The following C3 variants were observed in gnomAD, a reference collection of about 807,000 sequenced individuals.
The protein encoded by C3 is complement C3.
A neutral mutation model predicts 207.9 loss-of-function variants in C3; 97 were observed. The ratio of observed to expected loss-of-function variants is 0.47; its 90% CI spans 0.40 to 0.55. C3 has a LOEUF of 0.55. Ranked by LOEUF, C3 falls within the 20% of genes least tolerant of loss-of-function variation. C3 has a pLI of 0.00. For synonymous variants in C3, 848 were observed against 857.6 expected (o/e 0.99, Z 0.20); for missense variants, 1,684 against 2,171.7 (o/e 0.78, Z 4.46).
rs1968125120 is a variant in C3 at position 6,719,745 on chromosome 19, C to T, written c.75-342G>A. Reference sequence around the variant, plus strand: ...CTCTGGACTTCCAGACCCACAATCGCCTAAACCCACACATGCCCCAAACCC... The same window carrying T: ...CTCTGGACTTCCAGACCCACAATCGTCTAAACCCACACATGCCCCAAACCC... On this transcript the variant is annotated intron_variant, in intron 1 of 40. Coordinates refer to ENST00000245907, the MANE Select transcript of C3 (RefSeq NM_000064.4). The surrounding 1 kb of genome is among the most constrained non-coding windows in gnomAD (Gnocchi z 5.4). Among the ~76,000 whole-genome samples, 1 of 152,030 alleles carries T rather than the reference C, an allele frequency of 6.6e-6. No homozygotes were observed. Among genetic ancestry groups the T allele is most frequent in the Admixed American group, 6.6e-5 (1 of 15,266 alleles).
chr19:6,711,944 A>C (rs112152120), intron 11 of C3, among the ~76,000 whole-genome samples: 1 of 152,326 alleles, frequency 6.6e-6, no homozygotes, highest in Admixed American at 6.5e-5. Flanking sequence ...CAGGGCATGC[A>C]AGAGGAAGAT....
intron 2 of C3, 80 bp from the exon 3 acceptor site, chr19:6,718,492 T>C: frequency 6.5e-7 from 1 of 1,541,416 alleles, no homozygotes; most frequent in Non-Finnish European, 9.0e-7. Flanking sequence ...TTGGGCTGGG[T>C]CCCTCCTTGC....
intron 19 of C3, among the ~76,000 whole-genome samples, chr19:6,698,918 C>T (rs1967593727): frequency 6.6e-6 from 1 of 151,994 alleles, no homozygotes; most frequent in African/African-American, 2.4e-5. Flanking sequence ...CCTCAGCCTC[C>T]TGAGTAGCTG....
At chr19:6,704,897 CAAA>C (rs1197483325) in intron 17 of C3, among the ~76,000 whole-genome samples, 2 of 114,892 alleles carry the variant, frequency 1.7e-5, no homozygotes, top group East Asian at 2.6e-4. Flanking sequence ...GATTCCATCT[CAAA>C]AAAAAAAAAA....
Position 6,714,254 on chromosome 19 carries a change from A to G in C3, c.600-6T>C, listed in dbSNP as rs772923627. On this transcript the variant is annotated splice_polypyrimidine_tract_variant and splice_region_variant and intron_variant, in intron 5 of 40. Coordinates refer to ENST00000245907, the MANE Select transcript of C3 (RefSeq NM_000064.4). The stretch of plus-strand genomic sequence containing the variant: ...GGATCTTCCACTGGCCCATGCTGTG[A>G]GGAGGGCGGATGAGTGGTCTCTCAG... 7.8e-5 allele frequency: 126 copies of G among 1,613,602 alleles called. No homozygotes were observed. Among genetic ancestry groups the G allele is most frequent in the Admixed American group, 1.2e-4 (7 of 59,994 alleles).
At chr19:6,718,032 G>A (rs1484660205) in intron 4 of C3, 62 bp downstream of exon 4, 4 of 1,499,272 alleles carry the variant, frequency 2.7e-6, no homozygotes, top group Admixed American at 1.7e-5. Flanking sequence ...TGTCTCTCTC[G>A]ATCTCTTTGC....
Position 6,713,286 on chromosome 19 carries a change from C to G in C3, c.906G>C (p.Leu302=), listed in dbSNP as rs1211731707. 6.2e-7 allele frequency: 1 copy of G among 1,613,758 alleles called. No homozygotes were observed. Among genetic ancestry groups the G allele is most frequent in the South Asian group, 1.1e-5 (1 of 91,080 alleles). ...CCCCGTCCAGCAGTACCTTCCGGCT[C>G]AGCACAACCTCCCCCGAGCCATCCT... The part of the protein sequence containing the change: ...PIEDGSGEVV[L]SRKVLLDGVQ... Residue 302 remains leucine (L), a synonymous_variant, in exon 9 of 41, where the codon CTG becomes CTC. Transcript: ENST00000245907.
intron 29 of C3, 47 bp downstream of exon 29, chr19:6,686,077 C>T (rs948083690): frequency 1.1e-5 from 17 of 1,602,050 alleles, no homozygotes; most frequent in South Asian, 3.3e-5. Context: ...AGTGGGAAGC[C>T]GCAGGAGACA....
chr19:6,702,364 G>T, intron 18 of C3, 107 bp downstream of exon 18: 3 of 986,840 alleles, frequency 3.0e-6, no homozygotes, highest in Admixed American at 1.7e-5. Context: ...TCTAGGTTGG[G>T]CTGTGGGGTT....
At chr19:6,712,963 C>G (rs753983000) in intron 9 of C3, among the ~76,000 whole-genome samples, 2 of 152,112 alleles carry the variant, frequency 1.3e-5, no homozygotes, top group African/African-American at 2.4e-5. Context: ...CCTGTGCCCC[C>G]ATCAGCCCGG....
chr19:6,684,366 C>T (rs1451948923), intron 33 of C3, 22 bp downstream of exon 33: 3 of 1,605,612 alleles, frequency 1.9e-6, no homozygotes, highest in Non-Finnish European at 2.6e-6. Flanking sequence ...CCAAGATGAA[C>T]CCCGGTGACC....
chr19:6,720,179 AC>A (rs1186747080), intron 1 of C3, among the ~76,000 whole-genome samples: 1 of 151,632 alleles, frequency 6.6e-6, no homozygotes. Flanking sequence ...CAAACACCCA[AC>A]CCATAAACAC....
At chr19:6,693,139 T>C (rs1356263874) in intron 25 of C3, 56 bp from the exon 26 acceptor site, 2 of 1,595,978 alleles carry the variant, frequency 1.3e-6, no homozygotes, top group Non-Finnish European at 1.7e-6. Context: ...GACTGCCATG[T>C]CAACCAGCCA....
At chr19:6,694,894 G>T (rs1967499241) in intron 23 of C3, among the ~76,000 whole-genome samples, 1 of 152,172 alleles carries the variant, frequency 6.6e-6, no homozygotes, top group Non-Finnish European at 1.5e-5. Flanking sequence ...AATAATTCCA[G>T]TAACAATATT....
At chr19:6,718,968 A>G (rs1968106403) in intron 2 of C3, among the ~76,000 whole-genome samples, 1 of 37,358 alleles carries the variant, frequency 2.7e-5, no homozygotes, top group Non-Finnish European at 5.0e-5. Context: ...GAAGGGGAGG[A>G]GATTCAGAAG....
chr19:6,710,413 GAAAT>G (rs1367775989), intron 13 of C3, among the ~76,000 whole-genome samples: 5 of 149,422 alleles, frequency 3.3e-5, no homozygotes, highest in Admixed American at 1.3e-4. Context: ...GAAGGAAAGA[GAAAT>G]AAAGAGAGAG....
In C3 at chr19:6,712,330, G is replaced by C; in HGVS notation, c.1196C>G (p.Ser399Cys). The change falls in exon 11 of 41, where the codon TCT (serine) becomes TGT (cysteine). Residue 399 changes from serine to cysteine, a missense_variant. By Grantham distance (112) the Ser-to-Cys change is moderately radical. Transcript: ENST00000245907. ...VAVQGEDTVQ[S>C]LTQGDGVAKL... ...GGCCACGCCATCTCCCTGGGTTAGAGACTGCACAGTGTCCTCGCCCTGGAC... is the reference window on the plus strand; with the variant it reads ...GGCCACGCCATCTCCCTGGGTTAGACACTGCACAGTGTCCTCGCCCTGGAC... 6.2e-7 allele frequency: 1 copy of C among 1,614,148 alleles called. No individual in the cohort carries two copies. The highest frequency in any genetic ancestry group is 8.5e-7 in the Non-Finnish European group (1 of 1,180,012).
chr19:6,696,678 G>T lies in C3; in HGVS notation c.2797-19C>A, dbSNP rs775838681. 1 of 1,609,768 alleles carries T rather than the reference G, an allele frequency of 6.2e-7. No individual in the cohort carries two copies. Among genetic ancestry groups the T allele is most frequent in the Admixed American group, 1.7e-5 (1 of 59,970 alleles). ...CTTCCGGCTACGCAGTGTTAGAGGTGGGGGGAGTCGTTGGATGAATAAAAG... is the reference window on the plus strand; with the variant it reads ...CTTCCGGCTACGCAGTGTTAGAGGTTGGGGGAGTCGTTGGATGAATAAAAG... On this transcript the variant is annotated intron_variant, in intron 21 of 40. Coordinates refer to ENST00000245907, the MANE Select transcript of C3 (RefSeq NM_000064.4).
At chr19:6,712,681 T>G in intron 9 of C3, 58 bp from the exon 10 acceptor site, 1 of 1,401,184 alleles carries the variant, frequency 7.1e-7, no homozygotes, top group Non-Finnish European at 1.0e-6. Flanking sequence ...TTAGACCTCC[T>G]CCCTCAGAAT....
Sources: allele counts gnomAD v4.1 joint callset (sites outside exome capture counted in the v4.1 genomes callset), GRCh38; gene constraint gnomAD v4.1.1; non-coding constraint Gnocchi (gnomAD v3.1); transcripts MANE v1.5; gene names NCBI Gene and HGNC (gene_info 2026-07-23, HGNC 2026-07-21).